Variants in MYO3B observed in about 807,000 individuals in gnomAD.
MYO3B encodes myosin-IIIb.
A neutral mutation model predicts 174.6 loss-of-function variants in MYO3B; 156 were observed. The observed-to-expected ratio is 0.89, with a 90% confidence interval of 0.78 to 1.02. The LOEUF (loss-of-function observed/expected upper bound fraction) is 1.02. Ranked by LOEUF, MYO3B falls within the 50% of genes least tolerant of loss-of-function variation. The pLI, the probability that MYO3B is intolerant of heterozygous loss-of-function variation, is 0.00. For synonymous variants in MYO3B, 563 were observed against 569.1 expected (o/e 0.99, Z 0.15); for missense variants, 1,632 against 1,639.4 (o/e 1.00, Z 0.08).
chr2:170,530,741 TTTAAA>T (rs1198470608), intron 30 of MYO3B, among the ~76,000 whole-genome samples: 2 of 152,182 alleles, frequency 1.3e-5, no homozygotes, highest in African/African-American at 4.8e-5. Context: ...AGGGCAGTTG[TTTAAA>T]TTATTTTTAC....
At chr2:170,260,308 G>A (rs984225150) in intron 7 of MYO3B, among the ~76,000 whole-genome samples, 1 of 152,082 alleles carries the variant, frequency 6.6e-6, no homozygotes, top group Non-Finnish European at 1.5e-5. Context: ...AGACATAGGT[G>A]CCCATCAGTG....
intron 22 of MYO3B, among the ~76,000 whole-genome samples, chr2:170,431,767 G>T (rs1175107692): frequency 3.3e-5 from 5 of 152,294 alleles, no homozygotes; most frequent in African/African-American, 1.2e-4. Flanking sequence ...CAATAAAACC[G>T]ATGGGAGGAT....
chr2:170,537,149 C>T (rs925746948), intron 30 of MYO3B, among the ~76,000 whole-genome samples: 6 of 145,254 alleles, frequency 4.1e-5, no homozygotes, highest in African/African-American at 5.1e-5. Context: ...TGCAGTGAGC[C>T]GAGATCGTGC....
At chr2:170,236,914 A>G (rs2093076872) in intron 7 of MYO3B, among the ~76,000 whole-genome samples, 1 of 152,216 alleles carries the variant, frequency 6.6e-6, no homozygotes, top group Admixed American at 6.5e-5. Context: ...ACCTTTCCTT[A>G]TCTGCACAAT....
intron 8 of MYO3B, among the ~76,000 whole-genome samples, chr2:170,362,036 G>A (rs1007056612): frequency 1.3e-5 from 2 of 152,192 alleles, no homozygotes; most frequent in East Asian, 3.9e-4. Context: ...GGGCATTACA[G>A]GGTTACATAT....
In MYO3B at chr2:170,490,185, C is replaced by G. The variant is rs956427930; in HGVS notation, c.3015-8407C>G. On this transcript the variant is annotated intron_variant, in intron 25 of 34. Coordinates refer to ENST00000408978, the MANE Select transcript of MYO3B (RefSeq NM_138995.5). ...CTGGGACTACAAGCATCTGCTACCA[C>G]GCCCGGCTAATTTTTTGTACTTTTA... 2.0e-5 allele frequency among the ~76,000 whole-genome samples: 3 copies of G among 151,962 alleles called. No homozygotes were observed. In the South Asian group the frequency reaches 6.2e-4, roughly 32 times the overall value.
chr2:170,459,846 C>G (rs368031636), intron 23 of MYO3B, among the ~76,000 whole-genome samples: 20 of 152,116 alleles, frequency 1.3e-4, no homozygotes, highest in East Asian at 9.7e-4. Context: ...ACCTGGTGCA[C>G]CTTCCGCAGC....
intron 7 of MYO3B, among the ~76,000 whole-genome samples, chr2:170,239,902 T>C (rs978228700): frequency 2.0e-5 from 3 of 152,152 alleles, no homozygotes; most frequent in Non-Finnish European, 4.4e-5. Flanking sequence ...CATCAGCGGG[T>C]CAGCAGGGCC....
At chr2:170,304,705 G>A (rs537991737) in intron 7 of MYO3B, among the ~76,000 whole-genome samples, 1 of 151,880 alleles carries the variant, frequency 6.6e-6, no homozygotes, top group African/African-American at 2.4e-5. Context: ...GACCTCAAGT[G>A]ATCCACCCGC....
intron 22 of MYO3B, among the ~76,000 whole-genome samples, chr2:170,437,989 G>A (rs950534175): frequency 3.3e-5 from 5 of 152,090 alleles, no homozygotes; most frequent in Admixed American, 3.3e-4. Context: ...ATACAATACA[G>A]TATCAAATAT....
intron 25 of MYO3B, among the ~76,000 whole-genome samples, chr2:170,487,829 C>A (rs1686162448): frequency 6.6e-6 from 1 of 152,052 alleles, no homozygotes. Flanking sequence ...AGCAGAATGA[C>A]CAAAATGAGA....
chr2:170,326,436 G>A (rs989109469), intron 7 of MYO3B, among the ~76,000 whole-genome samples: 1 of 152,210 alleles, frequency 6.6e-6, no homozygotes, highest in Admixed American at 6.5e-5. Flanking sequence ...CAGTCCTGGG[G>A]CAAGGTCTAC....
chr2:170,625,989 T>TA (rs149038005), intron 32 of MYO3B, among the ~76,000 whole-genome samples: 3,630 of 152,320 alleles, frequency 0.024, 151 homozygotes, highest in African/African-American at 0.081. Context: ...TGGTCAATTT[T>TA]GGAATAGGTT....
intron 32 of MYO3B, among the ~76,000 whole-genome samples, chr2:170,607,324 C>A (rs1281286112): frequency 6.6e-6 from 1 of 152,212 alleles, no homozygotes; most frequent in Non-Finnish European, 1.5e-5. Context: ...TGGCTTACAG[C>A]CACAAAGGTT....
At chr2:170,296,583 T>TG (rs1330765918) in intron 7 of MYO3B, among the ~76,000 whole-genome samples, 1 of 152,090 alleles carries the variant, frequency 6.6e-6, no homozygotes, top group Non-Finnish European at 1.5e-5. Context: ...TGGGGAGGTA[T>TG]GGGGGTCTTC....
chr2:170,630,642 C>T (rs1360687164), intron 32 of MYO3B, among the ~76,000 whole-genome samples: 1 of 152,196 alleles, frequency 6.6e-6, no homozygotes, highest in Non-Finnish European at 1.5e-5. Flanking sequence ...GAGACACCTC[C>T]CAGTAGAGGC....
chr2:170,199,150 A>T, intron 1 of MYO3B, 58 bp from the exon 2 acceptor site: 1 of 1,204,534 alleles, frequency 8.3e-7, no homozygotes, highest in Non-Finnish European at 1.1e-6. Context: ...TTGTTTCAAA[A>T]GTCCACTGCC....
chr2:170,334,087 G>A (rs2093930438), intron 7 of MYO3B: 1 of 152,180 alleles, frequency 6.6e-6, no homozygotes, highest in Non-Finnish European at 1.5e-5. Context: ...AAGTTCATCT[G>A]ATGTCCACAA....
intron 16 of MYO3B, among the ~76,000 whole-genome samples, chr2:170,393,328 C>A (rs943631967): frequency 1.2e-4 from 18 of 152,022 alleles, no homozygotes; most frequent in African/African-American, 4.4e-4. Context: ...AAGTGATCCA[C>A]CTGCCTCAGC....
Sources: gnomAD v4.1 joint callset for allele counts (sites outside exome capture counted in the v4.1 genomes callset) on GRCh38, gnomAD v4.1.1 for gene constraint, MANE v1.5 for transcripts, NCBI Gene and HGNC (gene_info 2026-07-23, HGNC 2026-07-21) for gene names.